CDH13: variants seen among roughly 807,000 people sequenced by gnomAD.
CDH13 encodes cadherin 13.
In CDH13, 24 loss-of-function variants were observed where a neutral mutation model predicts 63.8. The ratio of observed to expected loss-of-function variants is 0.38; its 90% CI spans 0.27 to 0.53. CDH13 has a LOEUF of 0.53. CDH13 is among the 20% of genes least tolerant of loss of function. The probability of loss-of-function intolerance (pLI) is 0.85; values close to 1 mark genes in which losing one functional copy is unlikely to be tolerated. For synonymous variants in CDH13, 503 were observed against 355.3 expected (o/e 1.42, Z -4.67); for missense variants, 1,049 against 903.1 (o/e 1.16, Z -2.07).
chr16:83,108,984 C>T (rs554062910), intron 3 of CDH13, among the ~76,000 whole-genome samples: 42 of 152,304 alleles, frequency 2.8e-4, no homozygotes, highest in Non-Finnish European at 5.3e-4. Flanking sequence ...CTTCCTCATT[C>T]TCCTGCCCAC....
chr16:83,090,079 C>T (rs987245185), intron 3 of CDH13, among the ~76,000 whole-genome samples: 3 of 152,212 alleles, frequency 2.0e-5, no homozygotes, highest in East Asian at 1.9e-4. Flanking sequence ...GATCACCTCG[C>T]GTAGATTTGA....
Position 83,226,420 on chromosome 16 carries a change from A to C in CDH13, c.636+8923A>C, listed in dbSNP as rs76097826. On this transcript the variant is annotated intron_variant, in intron 5 of 13. Transcript: ENST00000567109. Reference sequence around the variant, plus strand: ...GCACAAACTCCTCAGAAGAGGTTCAACTTGAATCTTGGCAGGTGGGAGAAC... The same window carrying C: ...GCACAAACTCCTCAGAAGAGGTTCACCTTGAATCTTGGCAGGTGGGAGAAC... Among the ~76,000 whole-genome samples, 1,441 of 152,306 alleles carry C rather than the reference A, an allele frequency of 9.5e-3. 20 individuals carry two copies. Among genetic ancestry groups the C allele is most frequent in the African/African-American group, 0.033 (1,380 of 41,564 alleles).
chr16:83,424,315 G>A (rs1906777), intron 6 of CDH13, among the ~76,000 whole-genome samples: 141,946 of 152,274 alleles, frequency 0.93, 66,210 homozygotes, highest in East Asian at 1. Flanking sequence ...GGGAAATCCA[G>A]CATGGACTGC....
At chr16:83,261,581 C>T (rs1447689249) in intron 5 of CDH13, among the ~76,000 whole-genome samples, 1 of 152,104 alleles carries the variant, frequency 6.6e-6, no homozygotes, top group African/African-American at 2.4e-5. Context: ...TGTGGCTCAA[C>T]ATCCTGCAAT....
At chr16:82,653,242 A>G (rs116186201) in intron 1 of CDH13, among the ~76,000 whole-genome samples, 222 of 152,244 alleles carry the variant, frequency 1.5e-3, no homozygotes, top group African/African-American at 5.1e-3. Context: ...TTTCTCCTTG[A>G]TTTTAGTGCC....
chr16:82,955,301 C>G (rs975587801), intron 2 of CDH13, among the ~76,000 whole-genome samples: 1 of 152,194 alleles, frequency 6.6e-6, no homozygotes, highest in Non-Finnish European at 1.5e-5. Context: ...GCATCAGGCA[C>G]TTGCAGACAT....
chr16:83,461,864 A>G (rs539329296), intron 6 of CDH13, among the ~76,000 whole-genome samples: 16 of 152,324 alleles, frequency 1.1e-4, no homozygotes, highest in Non-Finnish European at 1.9e-4. Context: ...TGTGTACCCA[A>G]GATCTCACCA....
chr16:83,558,449 C>T (rs767581113), intron 7 of CDH13, among the ~76,000 whole-genome samples: 1 of 152,132 alleles, frequency 6.6e-6, no homozygotes, highest in Non-Finnish European at 1.5e-5. Flanking sequence ...ACTGGTTGTG[C>T]CTTGGGTAGT....
At chr16:83,008,131 C>G (rs200808606) in intron 2 of CDH13, among the ~76,000 whole-genome samples, 1 of 151,950 alleles carries the variant, frequency 6.6e-6, no homozygotes, top group East Asian at 1.9e-4. Flanking sequence ...CTTTATGATA[C>G]CTTAAGCTTA....
intron 7 of CDH13, among the ~76,000 whole-genome samples, chr16:83,502,869 C>T (rs2074312951): frequency 6.6e-6 from 1 of 152,216 alleles, no homozygotes; most frequent in Non-Finnish European, 1.5e-5. Flanking sequence ...TCTCAGGCAT[C>T]TCCATCGACA....
chr16:83,437,972 G>C (rs527458283), intron 6 of CDH13, among the ~76,000 whole-genome samples: 139 of 152,082 alleles, frequency 9.1e-4, no homozygotes, highest in African/African-American at 3.1e-3. Context: ...CCATCCTCCT[G>C]GCCACTCCCA....
chr16:83,180,780 G>A (rs2038320383), intron 4 of CDH13: 1 of 869,044 alleles, frequency 1.2e-6, no homozygotes, highest in East Asian at 2.6e-5. Context: ...AACAAACAAA[G>A]GCTGCTTAAT....
At chr16:83,570,516 C>G (rs1262816614) in intron 7 of CDH13, among the ~76,000 whole-genome samples, 3 of 151,840 alleles carry the variant, frequency 2.0e-5, no homozygotes, top group Admixed American at 2.0e-4. Context: ...CCTCACCGTA[C>G]TCATGGTCTA....
intron 5 of CDH13, among the ~76,000 whole-genome samples, chr16:83,343,875 A>C (rs2090780367): frequency 6.6e-6 from 1 of 152,216 alleles, no homozygotes; most frequent in African/African-American, 2.4e-5. Flanking sequence ...TTGTTATGAC[A>C]ATCAAGTGAG....
At chr16:83,052,057 T>C (rs1046015442) in intron 3 of CDH13, among the ~76,000 whole-genome samples, 1 of 152,194 alleles carries the variant, frequency 6.6e-6, no homozygotes, top group Non-Finnish European at 1.5e-5. Flanking sequence ...GCATGAATAA[T>C]TGATAGAGAA....
chr16:83,177,635 C>T (rs925352899), intron 4 of CDH13, among the ~76,000 whole-genome samples: 1 of 152,158 alleles, frequency 6.6e-6, no homozygotes, highest in African/African-American at 2.4e-5. Context: ...ATTACTCTTG[C>T]CTCCAACATT....
At chr16:82,857,910 G>T (rs1240749967) in intron 1 of CDH13, among the ~76,000 whole-genome samples, 1 of 152,136 alleles carries the variant, frequency 6.6e-6, no homozygotes, top group Non-Finnish European at 1.5e-5. Context: ...CCACAGTGAA[G>T]GCTTAACAGG....
At chr16:83,346,878 G>C (rs2090851134) in intron 6 of CDH13, among the ~76,000 whole-genome samples, 1 of 152,016 alleles carries the variant, frequency 6.6e-6, no homozygotes, top group Non-Finnish European at 1.5e-5. Flanking sequence ...CAGTTCTCCA[G>C]CAAAACATAA....
At chr16:83,731,825 C>T (rs1426999840) in intron 10 of CDH13, among the ~76,000 whole-genome samples, 2 of 152,118 alleles carry the variant, frequency 1.3e-5, no homozygotes, top group African/African-American at 2.4e-5. Context: ...AGACTTCAGA[C>T]AGGAAAATGT....
Sources: gnomAD v4.1 joint callset for allele counts (sites outside exome capture counted in the v4.1 genomes callset) on GRCh38, gnomAD v4.1.1 for gene constraint, MANE v1.5 for transcripts, NCBI Gene and HGNC (gene_info 2026-07-23, HGNC 2026-07-21) for gene names.